CLN6: variants seen among roughly 807,000 people sequenced by gnomAD.
CLN6 encodes CLN6 transmembrane ER protein, also known as ceroid-lipofuscinosis neuronal protein 6.
Under a neutral mutation model 33.3 loss-of-function variants are expected in CLN6, and 22 were observed. That is an observed-to-expected ratio of 0.66 (90% CI 0.47 to 0.94). The LOEUF (loss-of-function observed/expected upper bound fraction) is 0.94. CLN6 is among the 40% of genes least tolerant of loss of function. The pLI, the probability that CLN6 is intolerant of heterozygous loss-of-function variation, is 0.00. For missense variants in CLN6, 387 were observed against 417.1 expected (o/e 0.93, Z 0.63); for synonymous variants, 201 against 174.6 (o/e 1.15, Z -1.19).
intron 1 of CLN6, among the ~76,000 whole-genome samples, chr15:68,240,116 GGAA>G (rs1334904998): frequency 5.5e-4 from 84 of 152,028 alleles, no homozygotes; most frequent in African/African-American, 2.0e-3. Flanking sequence ...AGTAATTCAG[GGAA>G]ATTTATAGCT....
upstream of CLN6, among the ~76,000 whole-genome samples, chr15:68,232,261 G>C (rs571463391): frequency 2.1e-4 from 32 of 151,524 alleles, no homozygotes; most frequent in African/African-American, 6.3e-4. The surrounding 1 kb of genome is among the most constrained non-coding windows in gnomAD (Gnocchi z 4.7). Flanking sequence ...TGGTTCAAGT[G>C]ATTCTCCTGC....
At chr15:68,232,481 C>T (rs900832172), upstream of CLN6, among the ~76,000 whole-genome samples, 8 of 152,008 alleles carry the variant, frequency 5.3e-5, no homozygotes, top group African/African-American at 1.9e-4. The surrounding 1 kb of genome is among the most constrained non-coding windows in gnomAD (Gnocchi z 4.7). Flanking sequence ...TTAAATGTAT[C>T]GCCTAAGATC....
Position 68,219,869 on chromosome 15 carries a change from G to A in CLN6, c.84-1219C>T, listed in dbSNP as rs1043783975. On this transcript the variant is annotated intron_variant, in intron 1 of 6. Coordinates refer to ENST00000249806, the MANE Select transcript of CLN6 (RefSeq NM_017882.3). This position sits in a 1 kb window ranked among gnomAD's most constrained non-coding sequence, Gnocchi z 4.2. ...CGTCTCGTTTGTGCCAAGAACAGGCGCCATGGACCACAAATCTGTATTCCT... is the reference window on the plus strand; with the variant it reads ...CGTCTCGTTTGTGCCAAGAACAGGCACCATGGACCACAAATCTGTATTCCT... Among the ~76,000 whole-genome samples, 2 of 152,148 alleles carry A rather than the reference G, an allele frequency of 1.3e-5. No homozygotes were observed. The highest frequency in any genetic ancestry group is 1.9e-4 in the East Asian group (1 of 5,192).
In CLN6 at chr15:68,247,237, A is replaced by G. The variant is rs935630418; in HGVS notation, c.179+9453T>C. ...AATTCAAATTAGACTTGTACACAGA[A>G]GACATGATCTTACATTTAGAAAAAC... On this transcript the variant is annotated intron_variant, in intron 1 of 6. Transcript: ENST00000538696. The surrounding 1 kb of genome is among the most constrained non-coding windows in gnomAD (Gnocchi z 4.2). 1.3e-5 allele frequency among the ~76,000 whole-genome samples: 2 copies of G among 152,172 alleles called. No individual in the cohort carries two copies. Among genetic ancestry groups the G allele is most frequent in the African/African-American group, 4.8e-5 (2 of 41,414 alleles).
rs558338886 is a variant in CLN6 at position 68,227,483 on chromosome 15, C to T, written c.83+2019G>A. Among the ~76,000 whole-genome samples the T allele has an allele frequency of 1.4e-4, 21 of 152,332 alleles. No homozygotes were observed. Among genetic ancestry groups the T allele is most frequent in the African/African-American group, 4.6e-4 (19 of 41,568 alleles). On this transcript the variant is annotated intron_variant, in intron 1 of 6. Transcript: ENST00000249806. This position sits in a 1 kb window ranked among gnomAD's most constrained non-coding sequence, Gnocchi z 4.1. The stretch of plus-strand genomic sequence containing the variant: ...TAGGAACTGGACAGGATGATTCTGC[C>T]TACTCTCTTGAGCAGCAATGATACT...
chr15:68,221,513 G>A (rs981902137), intron 1 of CLN6, among the ~76,000 whole-genome samples: 4 of 151,896 alleles, frequency 2.6e-5, no homozygotes, highest in Admixed American at 1.3e-4. Context: ...ATTGCAGACG[G>A]AGTCTCGCTC....
intron 1 of CLN6, among the ~76,000 whole-genome samples, chr15:68,222,216 C>CAT (rs2093239117): frequency 7.0e-6 from 1 of 143,216 alleles, no homozygotes. Flanking sequence ...CCCAGCCGCC[C>CAT]CGTCTGGGAG....
At chr15:68,239,249 C>A (rs962899325) in intron 1 of CLN6, among the ~76,000 whole-genome samples, 1 of 151,420 alleles carries the variant, frequency 6.6e-6, no homozygotes, top group East Asian at 1.9e-4. Flanking sequence ...CTAAATATAT[C>A]AGTAATCACA....
rs796052353 is a variant in CLN6, at chr15:68,211,839, G to C, written c.322C>G (p.Leu108Val). Residue 108 changes from leucine to valine, a missense_variant, in exon 4 of 7, where the codon CTG (leucine) becomes GTG (valine). Leu to Val is a conservative substitution (Grantham distance 32). Transcript: ENST00000249806. The surrounding 1 kb of genome is among the most constrained non-coding windows in gnomAD (Gnocchi z 5.9). ...LKLIERSPRTLPRSITYVSII... is the reference protein window; with the variant it reads ...LKLIERSPRTVPRSITYVSII... ...CTCACGTACGTGATGGAGCGTGGCAGGGTGCGGGGGGACCGCTCGATGAGC... is the reference window on the plus strand; with the variant it reads ...CTCACGTACGTGATGGAGCGTGGCACGGTGCGGGGGGACCGCTCGATGAGC... The C allele has an allele frequency of 1.8e-5, 29 of 1,613,722 alleles. No individual in the cohort carries two copies. The highest frequency in any genetic ancestry group is 2.3e-5 in the Non-Finnish European group (27 of 1,180,028).
chr15:68,208,063 C>G lies in CLN6; in HGVS notation c.*77G>C. On this transcript the variant is annotated 3_prime_UTR_variant, in exon 7 of 7. Coordinates refer to ENST00000249806, the MANE Select transcript of CLN6 (RefSeq NM_017882.3). The surrounding 1 kb of genome is among the most constrained non-coding windows in gnomAD (Gnocchi z 5.8). ...GGTCTCTGGTTACACACCCACACCC[C>G]CCCTACTCCTGTATTCAGATGCCCT... is the stretch of plus-strand genomic sequence containing the variant. The G allele has an allele frequency of 1.3e-6, 2 of 1,491,846 alleles. No individual in the cohort carries two copies. The highest frequency in any genetic ancestry group is 1.8e-6 in the Non-Finnish European group (2 of 1,098,018). The allele number at this position is 1,491,846 out of a possible 1,614,324, so 92.4% of individuals were successfully genotyped here.
Position 68,208,021 on chromosome 15 carries a change from A to C in CLN6, c.*119T>G. ...ACACGAATCCACGCACACGAGGCAC[A>C]CCCCACTCATGCTCTCGGTCTCTGG... On this transcript the variant is annotated 3_prime_UTR_variant, in exon 7 of 7. Coordinates refer to ENST00000249806, the MANE Select transcript of CLN6 (RefSeq NM_017882.3). This position sits in a 1 kb window ranked among gnomAD's most constrained non-coding sequence, Gnocchi z 5.8. 1.8e-6 allele frequency: 2 copies of C among 1,082,438 alleles called. No individual in the cohort carries two copies. The highest frequency in any genetic ancestry group is 2.7e-6 in the Non-Finnish European group (2 of 734,600). 67.1% of individuals were successfully genotyped at this position (1,082,438 alleles called of 1,614,324 possible).
rs1321326721 is a variant in CLN6 at position 68,256,873 on chromosome 15, C to G, written c.-5G>C. ...CTTCCCGGCAACGGCTGCCATTTTC[C>G]GCCCAGGCAAGGTCCTGGGCGCGGC... On this transcript the variant is annotated 5_prime_UTR_variant, in exon 1 of 7. Coordinates refer to the CLN6 transcript ENST00000538696. This position sits in a 1 kb window ranked among gnomAD's most constrained non-coding sequence, Gnocchi z 4.1. The G allele has an allele frequency of 4.4e-6, 3 of 681,474 alleles. No homozygotes were observed. The East Asian group carries it at 8.1e-5, about 18-fold the overall frequency. The allele number at this position is 681,474 out of a possible 1,614,324, so 42.2% of individuals were successfully genotyped here.
At chr15:68,218,225 T>G in intron 2 of CLN6, 2 of 340,704 alleles carry the variant, frequency 5.9e-6, no homozygotes. Flanking sequence ...GTCTTGGTGA[T>G]TTGGTTCAAC....
chr15:68,244,496 T>C (rs548050471), intron 1 of CLN6, among the ~76,000 whole-genome samples: 1 of 152,138 alleles, frequency 6.6e-6, no homozygotes, highest in Admixed American at 6.5e-5. Context: ...AGATAGTCTT[T>C]CTCTGACAAA....
chr15:68,223,464 A>C (rs757287836), intron 1 of CLN6, among the ~76,000 whole-genome samples: 13 of 152,214 alleles, frequency 8.5e-5, no homozygotes, highest in Non-Finnish European at 1.5e-4. Flanking sequence ...GGCCTCAAAA[A>C]GCAGAGAGTG....
chr15:68,214,197 G>T, intron 3 of CLN6, 93 bp downstream of exon 3: 1 of 973,274 alleles, frequency 1.0e-6, no homozygotes, highest in Non-Finnish European at 1.7e-6. Flanking sequence ...GCAGGAGCGT[G>T]CTTGAGTCAG....
rs184170577 is a variant in CLN6, at chr15:68,242,419, G to A, written c.179+14271C>T. Among the ~76,000 whole-genome samples, 2 of 152,046 alleles carry A rather than the reference G, an allele frequency of 1.3e-5. No homozygotes were observed. Among genetic ancestry groups the A allele is most frequent in the African/African-American group, 2.4e-5 (1 of 41,404 alleles). Reference sequence around the variant, plus strand: ...AGAATACAAAGGAATGAAGATTGCCGACAAGATATGGGAAATTGCCTCAAA... The same window carrying A: ...AGAATACAAAGGAATGAAGATTGCCAACAAGATATGGGAAATTGCCTCAAA... On this transcript the variant is annotated intron_variant, in intron 1 of 6. Transcript: ENST00000538696. This position sits in a 1 kb window ranked among gnomAD's most constrained non-coding sequence, Gnocchi z 5.0.
In CLN6 at chr15:68,211,131, C is replaced by CT. The variant is rs2093203651; in HGVS notation, c.542+131dup. On this transcript the variant is annotated intron_variant, in intron 5 of 6. Transcript: ENST00000249806. The surrounding 1 kb of genome is among the most constrained non-coding windows in gnomAD (Gnocchi z 5.9). Reference sequence around the variant, plus strand: ...TCACTGGAGGTTGAGCTCACAGTGCCTTTACAGGGGATGAGACTCAACACA... The same window carrying CT: ...TCACTGGAGGTTGAGCTCACAGTGCCTTTTACAGGGGATGAGACTCAACACA... 4.8e-6 allele frequency: 4 copies of CT among 833,366 alleles called. No individual in the cohort carries two copies. Among genetic ancestry groups the CT allele is most frequent in the Non-Finnish European group, 8.4e-6 (4 of 475,398 alleles). 51.6% of individuals were successfully genotyped at this position (833,366 alleles called of 1,614,324 possible). A position where few individuals can be genotyped will look rare whatever the true frequency, so the allele number is the denominator to read the frequency against.
upstream of CLN6, among the ~76,000 whole-genome samples, chr15:68,230,907 C>G (rs1254520892): frequency 2.0e-5 from 3 of 152,146 alleles, no homozygotes; most frequent in Non-Finnish European, 2.9e-5. The surrounding 1 kb of genome is among the most constrained non-coding windows in gnomAD (Gnocchi z 4.0). Context: ...CAGGCGCACA[C>G]GACATGTGCA....
Sources: allele counts gnomAD v4.1 joint callset (sites outside exome capture counted in the v4.1 genomes callset), GRCh38; gene constraint gnomAD v4.1.1; non-coding constraint Gnocchi (gnomAD v3.1); transcripts MANE v1.5; gene names NCBI Gene and HGNC (gene_info 2026-07-23, HGNC 2026-07-21).